DOCK10: variants seen among roughly 807,000 people sequenced by gnomAD.
The protein encoded by DOCK10 is dedicator of cytokinesis 10, also known as dedicator of cytokinesis protein 10.
A neutral mutation model predicts 280.1 loss-of-function variants in DOCK10; 145 were observed. The observed-to-expected ratio is 0.52, with a 90% CI of 0.45 to 0.59. DOCK10 has a LOEUF of 0.59. DOCK10 is among the 20% of genes least tolerant of loss of function. DOCK10 has a pLI of 0.00. For synonymous variants in DOCK10, 915 were observed against 942.2 expected, an observed-to-expected ratio of 0.97 and a Z score of 0.53; for missense variants, 2,368 against 2,651.7, an observed-to-expected ratio of 0.89 and a Z score of 2.35.
Position 224,840,050 on chromosome 2 carries a change from A to G in DOCK10, c.2684T>C (p.Ile895Thr). 1 of 1,548,168 alleles carries G rather than the reference A, an allele frequency of 6.5e-7. No homozygotes were observed. The highest frequency in any genetic ancestry group is 8.8e-7 in the Non-Finnish European group (1 of 1,139,824). Residue 895 changes from isoleucine to threonine, a missense_variant, in exon 24 of 56, where the codon ATT (isoleucine) becomes ACT (threonine). This residue lies in a region of DOCK10 where 1,209 missense variants were observed against 1,250.9 expected (regional missense o/e 0.97). Transcript: ENST00000258390. ...SCKNLLNVEKIHAIMSFLPII... is the reference protein window; with the variant it reads ...SCKNLLNVEKTHAIMSFLPII... The stretch of plus-strand genomic sequence containing the variant: ...AGGCAGAAAACTCATGATTGCATGA[A>G]TCTTTTCCACATTCAATAAGTTCTG...
intron 55 of DOCK10, among the ~76,000 whole-genome samples, chr2:224,768,133 T>A (rs1458744052): frequency 6.6e-6 from 1 of 152,116 alleles, no homozygotes; most frequent in Admixed American, 6.5e-5. Flanking sequence ...GCCAAGCTGG[T>A]CTCACACTCC....
At chr2:224,907,097 A>G (rs931401887) in intron 3 of DOCK10, among the ~76,000 whole-genome samples, 1 of 152,256 alleles carries the variant, frequency 6.6e-6, no homozygotes, top group African/African-American at 2.4e-5. Context: ...GCAGAGTCTT[A>G]TATACCTCGT....
chr2:225,003,525 C>T (rs1012477085), intron 1 of DOCK10, among the ~76,000 whole-genome samples: 2 of 152,138 alleles, frequency 1.3e-5, no homozygotes, highest in Non-Finnish European at 2.9e-5. Flanking sequence ...TCTGGAAATC[C>T]TGACACTTTC....
chr2:224,841,115 T>A (rs924121614), intron 23 of DOCK10, among the ~76,000 whole-genome samples: 1 of 151,804 alleles, frequency 6.6e-6, no homozygotes, highest in Admixed American at 6.6e-5. Context: ...GGGAGGGGAG[T>A]GCTGGGAGAT....
rs146893423 is a variant in DOCK10, at chr2:224,857,369, C to T, written c.1686-387G>A. The stretch of plus-strand genomic sequence containing the variant: ...GACAGAGTCACTTCAATTTGGGTGG[C>T]ACTACTAGGATTTACGAGTGGTGGA... On this transcript the variant is annotated intron_variant, in intron 14 of 55. Coordinates refer to ENST00000258390, the MANE Select transcript of DOCK10 (RefSeq NM_014689.3). Among the ~76,000 whole-genome samples the T allele has an allele frequency of 6.6e-5, 10 of 152,202 alleles. No homozygotes were observed. The East Asian group carries it at 1.9e-3, about 29-fold the overall frequency.
At chr2:225,022,384 C>T (rs1276357557) in intron 1 of DOCK10, among the ~76,000 whole-genome samples, 1 of 152,180 alleles carries the variant, frequency 6.6e-6, no homozygotes, top group Non-Finnish European at 1.5e-5. Context: ...TGCCCTTTCA[C>T]CTATTCCCTG....
intron 30 of DOCK10, among the ~76,000 whole-genome samples, chr2:224,814,757 G>A (rs1236774252): frequency 1.3e-5 from 2 of 152,110 alleles, no homozygotes; most frequent in Non-Finnish European, 2.9e-5. Context: ...CCTGACCTCA[G>A]GTGATCTGCC....
intron 31 of DOCK10, among the ~76,000 whole-genome samples, chr2:224,810,565 T>C (rs1693695372): frequency 6.6e-6 from 1 of 151,866 alleles, no homozygotes; most frequent in African/African-American, 2.4e-5. Context: ...ACATGTGCCA[T>C]GTTGGTGTGC....
Position 225,042,055 on chromosome 2 carries a change from GGTCCTTACGC to G in DOCK10, c.123+187_123+196del. ...GTCCCGCGTGCACAAACGCGCCCCC[GGTCCTTACGC>G]GTCGGTGGCGCTGCCTCGCTGAGGT... On this transcript the variant is annotated intron_variant, in intron 1 of 55. Transcript: ENST00000258390. This position sits in a 1 kb window ranked among gnomAD's most constrained non-coding sequence, Gnocchi z 5.1. 6.6e-6 allele frequency among the ~76,000 whole-genome samples: 1 copy of G among 152,216 alleles called. No individual in the cohort carries two copies. The highest frequency in any genetic ancestry group is 2.1e-4 in the South Asian group (1 of 4,838).
At chr2:224,921,110 A>ATATATATATATAT (rs1185460802) in intron 2 of DOCK10, among the ~76,000 whole-genome samples, 6 of 69,620 alleles carry the variant, frequency 8.6e-5, no homozygotes, top group African/African-American at 6.4e-4. Context: ...AAAAAAAAAA[A>ATATATATATATAT]AAATATATAT....
chr2:224,966,119 G>A (rs1704726904), intron 1 of DOCK10, among the ~76,000 whole-genome samples: 2 of 152,200 alleles, frequency 1.3e-5, no homozygotes, highest in Admixed American at 6.5e-5. Flanking sequence ...CAGACTCTCT[G>A]ACGCCTTCAG....
intron 50 of DOCK10, among the ~76,000 whole-genome samples, chr2:224,783,856 C>T (rs1465282128): frequency 1.3e-5 from 2 of 151,966 alleles, no homozygotes; most frequent in Admixed American, 6.6e-5. Flanking sequence ...TAAAGAATTA[C>T]AAAAAAGTAT....
chr2:224,817,108 T>C (rs751301303), intron 29 of DOCK10, among the ~76,000 whole-genome samples: 1 of 152,228 alleles, frequency 6.6e-6, no homozygotes, highest in African/African-American at 2.4e-5. Flanking sequence ...ACTTCTACAA[T>C]GAGCTCCTAC....
intron 24 of DOCK10, among the ~76,000 whole-genome samples, chr2:224,839,028 T>C (rs1695773817): frequency 6.6e-6 from 1 of 152,094 alleles, no homozygotes; most frequent in Admixed American, 6.5e-5. Context: ...GGGCATTTAC[T>C]TAAGAGAAAC....
intron 2 of DOCK10, among the ~76,000 whole-genome samples, chr2:224,921,781 A>T (rs1050862125): frequency 5.3e-5 from 8 of 152,128 alleles, no homozygotes; most frequent in African/African-American, 1.9e-4. Context: ...GTATTTTATT[A>T]TAATGCTGGA....
chr2:224,849,699 G>T, intron 18 of DOCK10, 100 bp from the exon 19 acceptor site: 1 of 778,570 alleles, frequency 1.3e-6, no homozygotes, highest in Non-Finnish European at 2.1e-6. Context: ...TGGGACAATG[G>T]CAAACTTTGT....
chr2:224,943,748 TTTTTTTTCTTTTC>T (rs1409573340), intron 1 of DOCK10, among the ~76,000 whole-genome samples: 7 of 149,964 alleles, frequency 4.7e-5, no homozygotes, highest in African/African-American at 1.7e-4. Flanking sequence ...GGTTTAAGAT[TTTTTTTTCTTTTC>T]TTTTTTTTTT....
At chr2:224,912,794 G>A (rs1701102383) in intron 3 of DOCK10, among the ~76,000 whole-genome samples, 1 of 152,068 alleles carries the variant, frequency 6.6e-6, no homozygotes, top group African/African-American at 2.4e-5. Flanking sequence ...GGGAGGCTGA[G>A]GTGGGTGGAT....
At chr2:224,771,790 G>A (rs1029351918) in intron 53 of DOCK10, among the ~76,000 whole-genome samples, 1 of 151,728 alleles carries the variant, frequency 6.6e-6, no homozygotes, top group Non-Finnish European at 1.5e-5. Flanking sequence ...AAGTCATCTT[G>A]TATGGGATAG....
Sources: gnomAD v4.1 joint callset for allele counts (sites outside exome capture counted in the v4.1 genomes callset) on GRCh38, gnomAD v4.1.1 for gene constraint, gnomAD v4.1.1 regional missense constraint, Gnocchi (gnomAD v3.1) non-coding constraint, MANE v1.5 for transcripts, NCBI Gene and HGNC (gene_info 2026-07-23, HGNC 2026-07-21) for gene names.